The following OR9Q1 variants were observed in gnomAD, a reference collection of about 807,000 sequenced individuals.
OR9Q1 encodes the protein olfactory receptor 9Q1.
For missense variants in OR9Q1, 374 were observed against 378.8 expected (o/e 0.99, Z 0.11); for synonymous variants, 153 against 148.6 (o/e 1.03, Z -0.22).
intron 2 of OR9Q1, among the ~76,000 whole-genome samples, chr11:58,076,919 C>A (rs2120032097): frequency 6.6e-6 from 1 of 152,210 alleles, no homozygotes; most frequent in East Asian, 1.9e-4. Flanking sequence ...TTGAGTTATG[C>A]AAATAAAATA....
At chr11:58,066,829 G>A (rs998786682) in intron 2 of OR9Q1, among the ~76,000 whole-genome samples, 5 of 152,066 alleles carry the variant, frequency 3.3e-5, no homozygotes, top group Admixed American at 1.3e-4. Context: ...GAAATAATCC[G>A]GTGATGCACA....
chr11:58,063,189 A>G lies in OR9Q1; in HGVS notation c.-15+7242A>G, dbSNP rs764080712. Among the ~76,000 whole-genome samples the G allele has an allele frequency of 2.0e-4, 31 of 152,298 alleles. 1 individual carries two copies. Among genetic ancestry groups the G allele is most frequent in the Non-Finnish European group, 3.5e-4 (24 of 68,038 alleles). On this transcript the variant is annotated intron_variant, in intron 2 of 2. Coordinates refer to ENST00000335397, the MANE Select transcript of OR9Q1 (RefSeq NM_001005212.4). ...GTACTTTCTTTTTCCCCTGGAATCA[A>G]GGTCCCTGGGTTTTAATCTCAAAAT...
At chr11:58,155,919 C>CTTT (rs11433125) in intron 2 of OR9Q1, among the ~76,000 whole-genome samples, 2 of 147,098 alleles carry the variant, frequency 1.4e-5, no homozygotes. Context: ...CTTTTCCTTC[C>CTTT]TTTTTTTTTT....
intron 2 of OR9Q1, chr11:58,119,607 G>T: frequency 1.7e-6 from 1 of 585,860 alleles, no homozygotes; most frequent in South Asian, 2.3e-5. Flanking sequence ...GATTTTCCTT[G>T]GGCATCTCTT....
chr11:58,143,487 G>A (rs1854270120), intron 2 of OR9Q1, among the ~76,000 whole-genome samples: 2 of 152,204 alleles, frequency 1.3e-5, no homozygotes, highest in African/African-American at 4.8e-5. Context: ...AGGAAATGAT[G>A]TCTAACCTAG....
intron 1 of OR9Q1, among the ~76,000 whole-genome samples, chr11:58,026,350 A>G (rs1852972799): frequency 6.6e-6 from 1 of 152,108 alleles, no homozygotes; most frequent in Admixed American, 6.5e-5. Flanking sequence ...TTTTTTCCCA[A>G]CTTTTATATT....
chr11:58,031,337 G>A (rs759988316), intron 1 of OR9Q1: 1 of 1,614,122 alleles, frequency 6.2e-7, no homozygotes, highest in Non-Finnish European at 8.5e-7. Flanking sequence ...TCGTTATGTG[G>A]CCATTTGTAT....
At chr11:58,117,850 A>G (rs1426180039) in intron 2 of OR9Q1, 3 of 152,114 alleles carry the variant, frequency 2.0e-5, no homozygotes, top group African/African-American at 7.2e-5. Flanking sequence ...GGAACAACAA[A>G]ACCAGTAAGG....
At chr11:58,091,295 G>A (rs866246480) in intron 2 of OR9Q1, among the ~76,000 whole-genome samples, 4 of 151,932 alleles carry the variant, frequency 2.6e-5, no homozygotes, top group Middle Eastern at 6.8e-3. Context: ...CTATAAATTC[G>A]CTTCTTAACA....
chr11:58,042,077 T>A (rs1853170199), intron 1 of OR9Q1, among the ~76,000 whole-genome samples: 1 of 152,240 alleles, frequency 6.6e-6, no homozygotes, highest in Admixed American at 6.5e-5. Flanking sequence ...ATGGAGTGCT[T>A]AGTATGTACA....
At chr11:58,143,260 G>A (rs1289215184) in intron 2 of OR9Q1, among the ~76,000 whole-genome samples, 2 of 152,086 alleles carry the variant, frequency 1.3e-5, no homozygotes, top group Non-Finnish European at 2.9e-5. Flanking sequence ...TATAACTTTG[G>A]CATTGTAATC....
At chr11:58,112,318 A>C (rs1175026084) in intron 2 of OR9Q1, among the ~76,000 whole-genome samples, 1 of 152,086 alleles carries the variant, frequency 6.6e-6, no homozygotes, top group Non-Finnish European at 1.5e-5. Flanking sequence ...GATTATAAAT[A>C]TGTTTCTTTG....
At chr11:58,146,971 C>T (rs564685908) in intron 2 of OR9Q1, among the ~76,000 whole-genome samples, 3 of 152,168 alleles carry the variant, frequency 2.0e-5, no homozygotes, top group East Asian at 1.9e-4. Flanking sequence ...TGATCAGATA[C>T]GAATTTTTAA....
intron 2 of OR9Q1, among the ~76,000 whole-genome samples, chr11:58,071,699 G>C (rs1853489471): frequency 6.6e-6 from 1 of 152,120 alleles, no homozygotes; most frequent in Non-Finnish European, 1.5e-5. Context: ...GATATGAGTG[G>C]TGTTATGGTC....
chr11:58,076,239 A>T (rs1313198423), intron 2 of OR9Q1, among the ~76,000 whole-genome samples: 3 of 152,230 alleles, frequency 2.0e-5, no homozygotes, highest in Non-Finnish European at 4.4e-5. Context: ...CACAAATCTT[A>T]TAATTTCCAT....
chr11:58,099,287 A>C (rs1219294182), intron 2 of OR9Q1, among the ~76,000 whole-genome samples: 1 of 141,498 alleles, frequency 7.1e-6, no homozygotes, highest in African/African-American at 2.5e-5. Context: ...TAATATATAA[A>C]ATAATATAAA....
chr11:58,128,418 C>A (rs370223086), intron 2 of OR9Q1, among the ~76,000 whole-genome samples: 1 of 151,656 alleles, frequency 6.6e-6, no homozygotes, highest in Non-Finnish European at 1.5e-5. Context: ...CAAGTATCCA[C>A]GAGGAATTAG....
chr11:58,140,303 T>G (rs1477351224), intron 2 of OR9Q1, among the ~76,000 whole-genome samples: 1 of 152,184 alleles, frequency 6.6e-6, no homozygotes, highest in Non-Finnish European at 1.5e-5. Context: ...AGATCCCATT[T>G]GTCAATTTTG....
intron 2 of OR9Q1, chr11:58,108,968 C>A (rs1484778056): frequency 2.5e-5 from 10 of 398,684 alleles, no homozygotes; most frequent in Non-Finnish European, 4.1e-5. Context: ...GCTTACCCAC[C>A]TGCCGACTTC....
Sources: gnomAD v4.1 joint callset for allele counts (sites outside exome capture counted in the v4.1 genomes callset) on GRCh38, gnomAD v4.1.1 for gene constraint, MANE v1.5 for transcripts, NCBI Gene and HGNC (gene_info 2026-07-23, HGNC 2026-07-21) for gene names.